Variants in TTPAL observed in about 807,000 individuals in gnomAD.
The protein encoded by TTPAL is alpha-tocopherol transfer protein-like.
TTPAL carries 21 observed loss-of-function variants against 28.7 expected under a neutral mutation model. The observed-to-expected ratio is 0.73, with a 90% CI of 0.52 to 1.06. The LOEUF (loss-of-function observed/expected upper bound fraction) is 1.06, where lower values mean the gene tolerates loss of function less well. TTPAL is among the 50% of genes least tolerant of loss of function. The pLI is 0.00. For synonymous variants in TTPAL, 169 were observed against 171.9 expected (o/e 0.98, Z 0.13); for missense variants, 345 against 425.5 (o/e 0.81, Z 1.67).
At chr20:44,484,775 T>C (rs2064137199) in intron 3 of TTPAL, among the ~76,000 whole-genome samples, 1 of 152,224 alleles carries the variant, frequency 6.6e-6, no homozygotes, top group Non-Finnish European at 1.5e-5. Flanking sequence ...GAGAATTTGC[T>C]TGTTGCCTTT....
chr20:44,478,762 A>G (rs2064069929), intron 1 of TTPAL: 1 of 152,202 alleles, frequency 6.6e-6, no homozygotes. Context: ...TTAATATGTC[A>G]ATTCATAAAG....
chr20:44,480,382 G>A lies in TTPAL; in HGVS notation c.383G>A (p.Gly128Glu). Reference protein sequence around the residue: ...PSALKDVLASGFLTVLPHTDP... With the variant: ...PSALKDVLASEFLTVLPHTDP... ...GCCTTAAAAGATGTCCTTGCTTCCG[G>A]GTTCCTCACCGTGCTGCCCCACACT... Residue 128 changes from glycine to glutamate, a missense_variant, in exon 2 of 5, where the codon GGG becomes GAG. Transcript: ENST00000262605. The surrounding 1 kb of genome is among the most constrained non-coding windows in gnomAD (Gnocchi z 4.1). The A allele has an allele frequency of 6.2e-7, 1 of 1,613,972 alleles. No individual in the cohort carries two copies. Among genetic ancestry groups the A allele is most frequent in the East Asian group, 2.2e-5 (1 of 44,874 alleles).
chr20:44,487,826 T>C (rs1384810519), intron 4 of TTPAL, among the ~76,000 whole-genome samples: 1 of 152,190 alleles, frequency 6.6e-6, no homozygotes. Context: ...TGGAGTGCAG[T>C]GGTGCGATCT....
chr20:44,479,412 T>C lies in TTPAL; in HGVS notation c.-15-573T>C, dbSNP rs6031617. ...TGAATCTGAGTTGTTTTTTTTTTTT[T>C]TTTTTTTTTTTTTTTTGAGAGTCTT... On this transcript the variant is annotated intron_variant, in intron 1 of 4. Transcript: ENST00000262605. Among the ~76,000 whole-genome samples, 70 of 143,562 alleles carry C rather than the reference T, an allele frequency of 4.9e-4. 2 individuals carry two copies. The highest frequency in any genetic ancestry group is 1.3e-3 in the African/African-American group (51 of 38,952). 94.2% of individuals were successfully genotyped at this position (143,562 alleles called of 152,430 possible). A position where few individuals can be genotyped will look rare whatever the true frequency, so the allele number is the denominator to read the frequency against.
rs2064038022 is a variant in TTPAL at position 44,475,973 on chromosome 20, T to A, written c.-34T>A. 1 of 152,264 alleles carries A rather than the reference T, an allele frequency of 6.6e-6. No homozygotes were observed. 9.4% of individuals were successfully genotyped at this position (152,264 alleles called of 1,614,324 possible). On this transcript the variant is annotated 5_prime_UTR_variant, in exon 1 of 5. Coordinates refer to ENST00000262605, the MANE Select transcript of TTPAL (RefSeq NM_001039199.3). The stretch of plus-strand genomic sequence containing the variant: ...GCTCCCGCCGCCGATTGACCCGCGC[T>A]CCGCCCGTAGTCGGGCCGGTGAGTG...
chr20:44,476,548 T>TG (rs2064045719), intron 1 of TTPAL, among the ~76,000 whole-genome samples: 1 of 152,224 alleles, frequency 6.6e-6, no homozygotes, highest in African/African-American at 2.4e-5. Flanking sequence ...TGCCCGGCAC[T>TG]GGGGGTGGCA....
At chr20:44,484,577 C>G in intron 3 of TTPAL, 47 bp downstream of exon 3, 4 of 1,423,078 alleles carry the variant, frequency 2.8e-6, no homozygotes, top group Non-Finnish European at 3.8e-6. Context: ...CTCTGGCTTT[C>G]CCCAGGGCCT....
chr20:44,487,629 CTT>C (rs1422185156), intron 4 of TTPAL, among the ~76,000 whole-genome samples: 1 of 152,194 alleles, frequency 6.6e-6, no homozygotes, highest in African/African-American at 2.4e-5. Context: ...ATAAATAGCA[CTT>C]TGTCTTCCTT....
rs1391131095 is a variant in TTPAL, at chr20:44,486,604, C to T, written c.648C>T (p.Phe216=). 10 of 1,608,238 alleles carry T rather than the reference C, an allele frequency of 6.2e-6. No homozygotes were observed. In the Admixed American group the frequency reaches 6.8e-5, roughly 11 times the overall value. ...KKVIGILQDG[F]PIRIKAVHVV... is the part of the protein sequence containing the mutation. The stretch of plus-strand genomic sequence containing the variant: ...TTGCCTTTCCCACACAGGATGGTTT[C>T]CCCATTCGGATAAAAGCAGTCCATG... The change falls in exon 4 of 5, where the codon TTC becomes TTT. Residue 216 remains phenylalanine (F), a synonymous_variant. Transcript: ENST00000262605.
At position 44,494,414 on chromosome 20, in the gene TTPAL, T is replaced by A. The variant is rs1002837748; in HGVS notation, c.*4873T>A. ...GGCACTGTTTCAGCCACTGGTCACATTCCTTGCTTCAAACTGAAATTCAGT... is the reference window on the plus strand; with the variant it reads ...GGCACTGTTTCAGCCACTGGTCACAATCCTTGCTTCAAACTGAAATTCAGT... On this transcript the variant is annotated 3_prime_UTR_variant, in exon 5 of 5. Coordinates refer to ENST00000262605, the MANE Select transcript of TTPAL (RefSeq NM_001039199.3). The A allele has an allele frequency of 6.5e-6, 1 of 152,762 alleles. No individual in the cohort carries two copies. The highest frequency in any genetic ancestry group is 1.5e-5 in the Non-Finnish European group (1 of 68,036). 9.5% of individuals were successfully genotyped at this position (152,762 alleles called of 1,614,324 possible).
chr20:44,484,212 C>A, intron 2 of TTPAL, 125 bp from the exon 3 acceptor site: 1 of 627,868 alleles, frequency 1.6e-6, no homozygotes, highest in Non-Finnish European at 2.5e-6. Context: ...AAATAAGAGT[C>A]ATGGCTACTA....
At chr20:44,482,467 G>A (rs553558549) in intron 2 of TTPAL, among the ~76,000 whole-genome samples, 362 of 140,070 alleles carry the variant, frequency 2.6e-3, no homozygotes, top group African/African-American at 9.3e-3. Context: ...CAACTACCCC[G>A]GAGGCTGAGG....
intron 2 of TTPAL, among the ~76,000 whole-genome samples, chr20:44,483,544 G>A (rs2064125491): frequency 6.6e-6 from 1 of 152,192 alleles, no homozygotes; most frequent in African/African-American, 2.4e-5. Context: ...TCTGAAGTCA[G>A]GAGTCAAGTC....
In TTPAL at chr20:44,486,720, C is replaced by T; in HGVS notation, c.750+14C>T. The T allele has an allele frequency of 7.0e-7, 1 of 1,434,514 alleles. No individual in the cohort carries two copies. The highest frequency in any genetic ancestry group is 9.7e-7 in the Non-Finnish European group (1 of 1,032,798). The allele number at this position is 1,434,514 out of a possible 1,614,324, so 88.9% of individuals were successfully genotyped here. A position where few individuals can be genotyped will look rare whatever the true frequency, so the allele number is the denominator to read the frequency against. ...ATAGCAAACAGAGTAAGTGATGATCCTATTGACTTCAGATTTTTCTTTTCC... is the reference window on the plus strand; with the variant it reads ...ATAGCAAACAGAGTAAGTGATGATCTTATTGACTTCAGATTTTTCTTTTCC... On this transcript the variant is annotated intron_variant, in intron 4 of 4. Transcript: ENST00000262605.
chr20:44,480,989 C>A lies in TTPAL; in HGVS notation c.445+545C>A, dbSNP rs1216994082. 6.6e-6 allele frequency among the ~76,000 whole-genome samples: 1 copy of A among 152,154 alleles called. No individual in the cohort carries two copies. The highest frequency in any genetic ancestry group is 1.5e-5 in the Non-Finnish European group (1 of 68,022). On this transcript the variant is annotated intron_variant, in intron 2 of 4. Coordinates refer to ENST00000262605, the MANE Select transcript of TTPAL (RefSeq NM_001039199.3). The surrounding 1 kb of genome is among the most constrained non-coding windows in gnomAD (Gnocchi z 4.1). ...TAGGATACAAGCATGACTGCCAGGG[C>A]CCTCTCTGAGCCCTCTTTGTGAATA...
At chr20:44,476,532 G>C (rs994480446) in intron 1 of TTPAL, among the ~76,000 whole-genome samples, 1 of 152,232 alleles carries the variant, frequency 6.6e-6, no homozygotes, top group African/African-American at 2.4e-5. Context: ...ACAGACCACT[G>C]CCATGTGCCC....
chr20:44,489,290 T>C lies in TTPAL; in HGVS notation c.778T>C (p.Ser260Pro). ...RFFLHGSDLN[S>P]LHTNLPRSIL... is the part of the protein sequence containing the mutation. ...CTTCCTCCATGGGTCTGACTTGAACTCTCTCCACACAAACCTTCCAAGAAG... is the reference window on the plus strand; with the variant it reads ...CTTCCTCCATGGGTCTGACTTGAACCCTCTCCACACAAACCTTCCAAGAAG... Residue 260 changes from serine to proline, a missense_variant, in exon 5 of 5, where the codon TCT (serine) becomes CCT (proline). Coordinates refer to ENST00000262605, the MANE Select transcript of TTPAL (RefSeq NM_001039199.3). The C allele has an allele frequency of 4.3e-6, 7 of 1,614,136 alleles. No individual in the cohort carries two copies. The highest frequency in any genetic ancestry group is 5.9e-6 in the Non-Finnish European group (7 of 1,180,006).
intron 1 of TTPAL, among the ~76,000 whole-genome samples, chr20:44,477,336 A>G (rs2064053269): frequency 6.6e-6 from 1 of 152,214 alleles, no homozygotes; most frequent in Admixed American, 6.5e-5. Context: ...ACAAATATTT[A>G]TGGAGTGCAG....
At chr20:44,488,215 A>G (rs2064170568) in intron 4 of TTPAL, among the ~76,000 whole-genome samples, 1 of 152,200 alleles carries the variant, frequency 6.6e-6, no homozygotes, top group African/African-American at 2.4e-5. Context: ...TCCCCTTAGG[A>G]AATTCTGATG....
Sources: allele counts gnomAD v4.1 joint callset (sites outside exome capture counted in the v4.1 genomes callset), GRCh38; gene constraint gnomAD v4.1.1; non-coding constraint Gnocchi (gnomAD v3.1); transcripts MANE v1.5; gene names NCBI Gene and HGNC (gene_info 2026-07-23, HGNC 2026-07-21).